The following SGCD variants were observed in gnomAD, a reference collection of about 807,000 sequenced individuals.
SGCD encodes the protein sarcoglycan delta, also known as delta-sarcoglycan.
In SGCD, 18 loss-of-function variants were observed where a neutral mutation model predicts 36.6. That is an observed-to-expected ratio of 0.49 (90% confidence interval 0.34 to 0.73). SGCD has a LOEUF of 0.73. Among genes scored for constraint, SGCD ranks in the 30% least tolerant of loss-of-function variants. SGCD has a pLI of 0.01. For synonymous variants in SGCD, 133 were observed against 130.6 expected (o/e 1.02, Z -0.12); for missense variants, 387 against 346.7 (o/e 1.12, Z -0.92).
intron 1 of SGCD, among the ~76,000 whole-genome samples, chr5:156,017,514 T>G (rs1211707515): frequency 6.6e-6 from 1 of 151,910 alleles, no homozygotes; most frequent in Non-Finnish European, 1.5e-5. Context: ...CTACAATATT[T>G]CTATGTATTT....
chr5:156,292,799 G>C (rs189688386), intron 3 of SGCD, among the ~76,000 whole-genome samples: 2 of 152,126 alleles, frequency 1.3e-5, no homozygotes, highest in East Asian at 3.9e-4. Flanking sequence ...CATCCTAATG[G>C]GTTTGAGATG....
intron 1 of SGCD, among the ~76,000 whole-genome samples, chr5:156,033,113 AAAAC>A (rs952556035): frequency 7.0e-6 from 1 of 142,002 alleles, no homozygotes; most frequent in Non-Finnish European, 1.5e-5. Flanking sequence ...ACTTTATAAA[AAAAC>A]AAAAAAAAAG....
chr5:156,107,776 C>A (rs563080385), intron 1 of SGCD, among the ~76,000 whole-genome samples: 2 of 152,186 alleles, frequency 1.3e-5, no homozygotes, highest in South Asian at 4.1e-4. Flanking sequence ...AGATTTATGT[C>A]TACTAATGTT....
intron 7 of SGCD, among the ~76,000 whole-genome samples, chr5:156,675,076 A>T (rs1753455338): frequency 6.6e-6 from 1 of 152,156 alleles, no homozygotes; most frequent in Non-Finnish European, 1.5e-5. Context: ...CTTGGTAAAG[A>T]TGAGCAGAAC....
At chr5:156,555,923 A>AT (rs34674709) in intron 4 of SGCD, among the ~76,000 whole-genome samples, 1 of 151,948 alleles carries the variant, frequency 6.6e-6, no homozygotes, top group Non-Finnish European at 1.5e-5. Context: ...ATTTCTAAGT[A>AT]TTTTTTGGTG....
At chr5:156,402,699 T>C (rs922658178) in intron 3 of SGCD, among the ~76,000 whole-genome samples, 1 of 152,194 alleles carries the variant, frequency 6.6e-6, no homozygotes, top group African/African-American at 2.4e-5. Flanking sequence ...GTGTTTTTAC[T>C]ATTATAATAA....
chr5:155,777,953 T>G, the SGCD span, among the ~76,000 whole-genome samples: 1 of 152,172 alleles, frequency 6.6e-6, no homozygotes, highest in Non-Finnish European at 1.5e-5. Context: ...TCATGGTTTG[T>G]AATGTGGATT....
chr5:156,167,270 C>G (rs1022995435), intron 3 of SGCD, among the ~76,000 whole-genome samples: 1 of 152,172 alleles, frequency 6.6e-6, no homozygotes, highest in South Asian at 2.1e-4. Flanking sequence ...ATTTTCTTCT[C>G]AGCACATATT....
chr5:156,476,019 G>C (rs776530337), intron 3 of SGCD, among the ~76,000 whole-genome samples: 2 of 152,196 alleles, frequency 1.3e-5, no homozygotes, highest in Non-Finnish European at 2.9e-5. Context: ...TTGACTTGCC[G>C]TGGCTGAGGG....
chr5:156,132,371 G>A (rs1160309539), intron 3 of SGCD, among the ~76,000 whole-genome samples: 1 of 146,742 alleles, frequency 6.8e-6, no homozygotes, highest in Non-Finnish European at 1.5e-5. Flanking sequence ...TTTTGTACTT[G>A]TCTGTTTTCT....
intron 3 of SGCD, among the ~76,000 whole-genome samples, chr5:156,355,167 C>A (rs1769434950): frequency 6.6e-6 from 1 of 152,204 alleles, no homozygotes; most frequent in Admixed American, 6.5e-5. Flanking sequence ...TAATGTCCTA[C>A]TTCTTAGCTA....
chr5:156,506,353 T>TCA (rs886762481), intron 3 of SGCD, among the ~76,000 whole-genome samples: 10 of 150,508 alleles, frequency 6.6e-5, no homozygotes, highest in Non-Finnish European at 1.0e-4. Flanking sequence ...AAACACACAC[T>TCA]CACACACACA....
chr5:156,432,030 G>A (rs1446497102), intron 3 of SGCD, among the ~76,000 whole-genome samples: 1 of 152,140 alleles, frequency 6.6e-6, no homozygotes, highest in Non-Finnish European at 1.5e-5. Flanking sequence ...TGCAATGATT[G>A]TTCTGCTTTT....
chr5:156,107,396 G>A (rs1387704119), intron 1 of SGCD, among the ~76,000 whole-genome samples: 4 of 152,080 alleles, frequency 2.6e-5, no homozygotes, highest in African/African-American at 4.8e-5. Flanking sequence ...CTCATCCATG[G>A]TTTCAGGTTA....
At chr5:156,142,981 G>A (rs1289216689) in intron 3 of SGCD, among the ~76,000 whole-genome samples, 1 of 152,178 alleles carries the variant, frequency 6.6e-6, no homozygotes, top group East Asian at 1.9e-4. Context: ...ATGGGGAAAC[G>A]GACTGGAAGG....
In SGCD at chr5:155,921,095, G is replaced by A. The variant is rs1756867027; in HGVS notation, c.-282+50671G>A. On this transcript the variant is annotated intron_variant, in intron 1 of 9. Transcript: ENST00000517913. Reference sequence around the variant, plus strand: ...AAAAGGAGCCCAGGATAAAAACACGGTGTCTAAGGAGGTTGGAATCTCAAG... The same window carrying A: ...AAAAGGAGCCCAGGATAAAAACACGATGTCTAAGGAGGTTGGAATCTCAAG... Among the ~76,000 whole-genome samples the A allele has an allele frequency of 4.6e-5, 7 of 152,272 alleles. No individual in the cohort carries two copies. In the South Asian group the frequency reaches 1.5e-3, roughly 32 times the overall value.
chr5:156,227,331 A>G (rs1764885806), intron 3 of SGCD, among the ~76,000 whole-genome samples: 1 of 152,088 alleles, frequency 6.6e-6, no homozygotes, highest in Non-Finnish European at 1.5e-5. Context: ...CTAGCCAATT[A>G]TCTCAGCACC....
chr5:156,438,073 T>C (rs17053559), intron 3 of SGCD, among the ~76,000 whole-genome samples: 2,446 of 152,254 alleles, frequency 0.016, 72 homozygotes, highest in African/African-American at 0.056. Flanking sequence ...CCACACTCAA[T>C]TGGAAATTTA....
At chr5:155,988,774 T>C (rs748392139) in intron 1 of SGCD, among the ~76,000 whole-genome samples, 5 of 152,148 alleles carry the variant, frequency 3.3e-5, no homozygotes, top group Non-Finnish European at 7.4e-5. Flanking sequence ...CTTTGTAAAA[T>C]GGTAATGGTA....
Sources: allele counts gnomAD v4.1 joint callset (sites outside exome capture counted in the v4.1 genomes callset), GRCh38; gene constraint gnomAD v4.1.1; transcripts MANE v1.5; gene names NCBI Gene and HGNC (gene_info 2026-07-23, HGNC 2026-07-21).